The following TIMP2 variants were observed in gnomAD, a reference collection of about 807,000 sequenced individuals.
The protein encoded by TIMP2 is TIMP metallopeptidase inhibitor 2.
A neutral mutation model predicts 24.3 loss-of-function variants in TIMP2; 5 were observed. The observed-to-expected ratio is 0.21, with a 90% confidence interval of 0.11 to 0.43. The LOEUF is 0.43. TIMP2 is among the 20% of genes least tolerant of loss of function. The pLI is 1.00. For missense variants in TIMP2, 221 were observed against 297.5 expected, an observed-to-expected ratio of 0.74 and a Z score of 1.89; for synonymous variants, 130 against 123.2, an observed-to-expected ratio of 1.06 and a Z score of -0.37.
chr17:78,903,519 C>T (rs932698467), intron 1 of TIMP2, among the ~76,000 whole-genome samples: 1 of 152,154 alleles, frequency 6.6e-6, no homozygotes, highest in South Asian at 2.1e-4. Context: ...TAAGGAGGTA[C>T]ACTTCAAGGT....
At chr17:78,892,340 C>T (rs2069914014) in intron 1 of TIMP2, 1 of 1,550,546 alleles carries the variant, frequency 6.4e-7, no homozygotes, top group Admixed American at 2.0e-5. Flanking sequence ...GTTTCTGTTC[C>T]TGTCTGCGAA....
In TIMP2 at chr17:78,925,095, CCGGGGGGCTGGGCGGG is replaced by C; in HGVS notation, c.-23_-8del. 8.1e-6 allele frequency: 2 copies of C among 247,670 alleles called. No individual in the cohort carries two copies. Among genetic ancestry groups the C allele is most frequent in the Non-Finnish European group, 1.2e-5 (2 of 169,216 alleles). The allele number at this position is 247,670 out of a possible 1,614,324, so 15.3% of individuals were successfully genotyped here. ...TGCGGGCCGCGGCGCCCATGGCGGG[CCGGGGGGCTGGGCGGG>C]CGGGGGCCGCCGCTGGGGGGTCCGG... On this transcript the variant is annotated 5_prime_UTR_variant, in exon 1 of 5. Transcript: ENST00000262768.
chr17:78,891,040 G>T lies in TIMP2; in HGVS notation c.131-17121C>A, dbSNP rs2069883367. 14 of 1,551,184 alleles carry T rather than the reference G, an allele frequency of 9.0e-6. No homozygotes were observed. The highest frequency in any genetic ancestry group is 1.2e-5 in the Non-Finnish European group (14 of 1,147,128). On this transcript the variant is annotated intron_variant, in intron 1 of 4. Transcript: ENST00000262768. This position sits in a 1 kb window ranked among gnomAD's most constrained non-coding sequence, Gnocchi z 4.5. ...CCACTCTGTCTGCCTGGTCTTGAAG[G>T]TGGAGCTGAAGGGAGCCCTCTGCCA...
rs958034519 is a variant in TIMP2 at position 78,896,701 on chromosome 17, G to A, written c.131-22782C>T. Among the ~76,000 whole-genome samples, 23 of 152,072 alleles carry A rather than the reference G, an allele frequency of 1.5e-4. No individual in the cohort carries two copies. The highest frequency in any genetic ancestry group is 5.1e-4 in the African/African-American group (21 of 41,398). On this transcript the variant is annotated intron_variant, in intron 1 of 4. Transcript: ENST00000262768. The surrounding 1 kb of genome is among the most constrained non-coding windows in gnomAD (Gnocchi z 4.4). ...CAGAGAAACCACAGCTCCCCCCTCC[G>A]CAGAAGCCGCGCTCGGAGCAGCAGA...
Position 78,874,056 on chromosome 17 carries a change from G to C in TIMP2, c.131-137C>G. 3 of 662,252 alleles carry C rather than the reference G, an allele frequency of 4.5e-6. No individual in the cohort carries two copies. In the South Asian group the frequency reaches 5.8e-5, roughly 13 times the overall value. 41.0% of individuals were successfully genotyped at this position (662,252 alleles called of 1,614,324 possible). On this transcript the variant is annotated intron_variant, in intron 1 of 4. Coordinates refer to ENST00000262768, the MANE Select transcript of TIMP2 (RefSeq NM_003255.5). The stretch of plus-strand genomic sequence containing the variant: ...CAGCAAGGTGCGAGACGGGCAAGGG[G>C]CATGGTGATCCCAGCCCCCGGCATG...
rs769819230 is a variant in TIMP2, at chr17:78,854,308, C to T, written c.*1359G>A. ...ACCGAGAAAGTTCTTCCTATCCTAA[C>T]CCCCATATCACTGGCTTCAGGAAAC... On this transcript the variant is annotated 3_prime_UTR_variant, in exon 5 of 5. Transcript: ENST00000262768. The T allele has an allele frequency of 9.9e-5, 15 of 151,868 alleles. No individual in the cohort carries two copies. The highest frequency in any genetic ancestry group is 1.6e-4 in the Non-Finnish European group (11 of 67,986). The allele number at this position is 151,868 out of a possible 1,614,324, so 9.4% of individuals were successfully genotyped here.
rs891255744 is a variant in TIMP2 at position 78,853,277 on chromosome 17, G to T, written c.*2390C>A. 6.6e-6 allele frequency: 1 copy of T among 152,630 alleles called. No individual in the cohort carries two copies. The highest frequency in any genetic ancestry group is 1.5e-5 in the Non-Finnish European group (1 of 68,046). 9.5% of individuals were successfully genotyped at this position (152,630 alleles called of 1,614,324 possible). A position where few individuals can be genotyped will look rare whatever the true frequency, so the allele number is the denominator to read the frequency against. On this transcript the variant is annotated 3_prime_UTR_variant, in exon 5 of 5. Transcript: ENST00000262768. ...GTAAACTTTATTTTAAATATTTTGA[G>T]TTGCTTGCAGGATGAAAATAGGAGA... is the stretch of plus-strand genomic sequence containing the variant.
At chr17:78,871,526 G>C (rs1303478213) in intron 2 of TIMP2, among the ~76,000 whole-genome samples, 5 of 151,072 alleles carry the variant, frequency 3.3e-5, no homozygotes, top group African/African-American at 9.7e-5. Flanking sequence ...TCAACTTTTA[G>C]TGTGGCAGAT....
Position 78,891,452 on chromosome 17 carries a change from A to G in TIMP2, c.131-17533T>C, listed in dbSNP as rs1312432476. The G allele has an allele frequency of 1.3e-6, 2 of 1,550,886 alleles. No individual in the cohort carries two copies. Among genetic ancestry groups the G allele is most frequent in the East Asian group, 4.9e-5 (2 of 40,936 alleles). On this transcript the variant is annotated intron_variant, in intron 1 of 4. Transcript: ENST00000262768. This position sits in a 1 kb window ranked among gnomAD's most constrained non-coding sequence, Gnocchi z 4.5. ...CAGGTGTTTTTTCAGCTTTCTGTTT[A>G]TATTAAACAACTCTTCAAAGGCCAA... is the stretch of plus-strand genomic sequence containing the variant.
At chr17:78,911,855 G>A (rs1448145589) in intron 1 of TIMP2, among the ~76,000 whole-genome samples, 1 of 149,008 alleles carries the variant, frequency 6.7e-6, no homozygotes, top group Non-Finnish European at 1.5e-5. Flanking sequence ...AGACCAGCCA[G>A]GCCAACATGG....
At chr17:78,892,133 A>C in intron 1 of TIMP2, 1 of 1,550,912 alleles carries the variant, frequency 6.4e-7, no homozygotes, top group Non-Finnish European at 8.7e-7. Flanking sequence ...ACCGACGTGC[A>C]GGTGCTGTGC....
intron 1 of TIMP2, among the ~76,000 whole-genome samples, chr17:78,918,229 G>A (rs1486393846): frequency 6.6e-6 from 1 of 152,140 alleles, no homozygotes; most frequent in East Asian, 1.9e-4. Flanking sequence ...GCTTCTTAGC[G>A]TAAACACACT....
At chr17:78,911,187 C>T (rs528972845) in intron 1 of TIMP2, among the ~76,000 whole-genome samples, 19 of 152,230 alleles carry the variant, frequency 1.2e-4, no homozygotes, top group Admixed American at 9.2e-4. Context: ...GTGGCAGAGG[C>T]GAGCTGGGGA....
Position 78,896,259 on chromosome 17 carries a change from A to C in TIMP2, c.131-22340T>G, listed in dbSNP as rs2069997789. 6.6e-6 allele frequency among the ~76,000 whole-genome samples: 1 copy of C among 152,210 alleles called. No homozygotes were observed. Among genetic ancestry groups the C allele is most frequent in the South Asian group, 2.1e-4 (1 of 4,832 alleles). On this transcript the variant is annotated intron_variant, in intron 1 of 4. Transcript: ENST00000262768. The surrounding 1 kb of genome is among the most constrained non-coding windows in gnomAD (Gnocchi z 4.4). Reference sequence around the variant, plus strand: ...TTGTGCAGGCACTGGCAGGGAAAGCAACAGAGCCTTAGCTGAGCCCAAGAT... The same window carrying C: ...TTGTGCAGGCACTGGCAGGGAAAGCCACAGAGCCTTAGCTGAGCCCAAGAT...
intron 1 of TIMP2, among the ~76,000 whole-genome samples, chr17:78,879,331 T>A (rs4796816): frequency 0.93 from 141,325 of 152,220 alleles, 65,694 homozygotes; most frequent in African/African-American, 0.95. Flanking sequence ...GACCACCAGT[T>A]CTGTAGGGGA....
chr17:78,873,419 G>A (rs1406101389), intron 2 of TIMP2, among the ~76,000 whole-genome samples: 1 of 151,608 alleles, frequency 6.6e-6, no homozygotes, highest in East Asian at 1.9e-4. Flanking sequence ...TCCCACCTCA[G>A]CCTCCCGAAT....
intron 1 of TIMP2, chr17:78,890,620 C>A: frequency 6.5e-7 from 1 of 1,545,442 alleles, no homozygotes; most frequent in South Asian, 1.2e-5. Flanking sequence ...GTATTTACCC[C>A]GGGTGGGCCT....
chr17:78,922,860 C>T (rs767475276), intron 1 of TIMP2, among the ~76,000 whole-genome samples: 1 of 152,108 alleles, frequency 6.6e-6, no homozygotes, highest in Non-Finnish European at 1.5e-5. Context: ...CATGTGAAGA[C>T]AGGCGGAAAT....
rs139606412 is a variant in TIMP2, at chr17:78,865,343, G to A, written c.340+5555C>T. On this transcript the variant is annotated intron_variant, in intron 3 of 4. Coordinates refer to ENST00000262768, the MANE Select transcript of TIMP2 (RefSeq NM_003255.5). Reference sequence around the variant, plus strand: ...CAACACTGTGAATGTACTTAATGCCGCCCAGGTGCGGTGGCTCACACCTGT... The same window carrying A: ...CAACACTGTGAATGTACTTAATGCCACCCAGGTGCGGTGGCTCACACCTGT... Among the ~76,000 whole-genome samples the A allele has an allele frequency of 2.5e-3, 380 of 152,138 alleles. 5 individuals carry two copies. In the East Asian group the frequency reaches 0.033, roughly 13 times the overall value.
Sources: allele counts gnomAD v4.1 joint callset (sites outside exome capture counted in the v4.1 genomes callset), GRCh38; gene constraint gnomAD v4.1.1; non-coding constraint Gnocchi (gnomAD v3.1); transcripts MANE v1.5; gene names NCBI Gene and HGNC (gene_info 2026-07-23, HGNC 2026-07-21).